The following CCDC30 variants were observed in gnomAD, a reference collection of about 807,000 sequenced individuals.
CCDC30 encodes coiled-coil domain containing 30.
In CCDC30, 70 loss-of-function variants were observed where a neutral mutation model predicts 100.2. The observed-to-expected ratio is 0.70, with a 90% CI of 0.58 to 0.85. CCDC30 has a LOEUF of 0.85. Among genes scored for constraint, CCDC30 ranks in the 40% least tolerant of loss-of-function variants. The pLI is 0.00. For synonymous variants in CCDC30, 233 were observed against 269.5 expected (o/e 0.86, Z 1.33); for missense variants, 652 against 771.2 (o/e 0.85, Z 1.83).
At chr1:42,640,673 C>T (rs1001752488) in intron 12 of CCDC30, among the ~76,000 whole-genome samples, 2 of 142,474 alleles carry the variant, frequency 1.4e-5, no homozygotes, top group Non-Finnish European at 3.2e-5. Flanking sequence ...GTGGGTGCAT[C>T]ATCTGAGGTC....
intron 11 of CCDC30, among the ~76,000 whole-genome samples, chr1:42,631,875 A>T (rs961052175): frequency 1.8e-4 from 27 of 152,210 alleles, no homozygotes; most frequent in African/African-American, 6.5e-4. Context: ...CCTCAGGATA[A>T]TGGGCTCCCT....
chr1:42,642,153 G>T (rs966883535), intron 12 of CCDC30, among the ~76,000 whole-genome samples: 1 of 152,214 alleles, frequency 6.6e-6, no homozygotes, highest in Admixed American at 6.5e-5. Context: ...ATGAACCTGG[G>T]AGGTGGAGCT....
At chr1:42,574,293 T>A (rs375282304) in intron 7 of CCDC30, among the ~76,000 whole-genome samples, 1 of 152,082 alleles carries the variant, frequency 6.6e-6, no homozygotes, top group Admixed American at 6.5e-5. Context: ...TTAATAGTTA[T>A]GAGAAGTCAA....
chr1:42,465,597 C>T (rs745822095), intron 1 of CCDC30, among the ~76,000 whole-genome samples: 35 of 152,026 alleles, frequency 2.3e-4, no homozygotes, highest in Non-Finnish European at 3.4e-4. Flanking sequence ...ACTCCTGACC[C>T]CAGGTGATCC....
At chr1:42,562,540 C>A (rs1645513233) in intron 6 of CCDC30, among the ~76,000 whole-genome samples, 1 of 152,038 alleles carries the variant, frequency 6.6e-6, no homozygotes, top group Non-Finnish European at 1.5e-5. Context: ...CAGGACATAG[C>A]CATGGGCAAA....
chr1:42,525,772 AG>A (rs1356998713), intron 6 of CCDC30, among the ~76,000 whole-genome samples: 1 of 152,196 alleles, frequency 6.6e-6, no homozygotes, highest in African/African-American at 2.4e-5. Flanking sequence ...GCAGATTTAT[AG>A]GAACTTTTAT....
At chr1:42,465,450 C>T (rs144285309) in intron 1 of CCDC30, among the ~76,000 whole-genome samples, 294 of 152,248 alleles carry the variant, frequency 1.9e-3, no homozygotes, top group African/African-American at 6.7e-3. Context: ...CTGCAACCTC[C>T]GCCTCCCGGG....
chr1:42,518,208 T>C (rs996233738), intron 6 of CCDC30, among the ~76,000 whole-genome samples: 1 of 152,298 alleles, frequency 6.6e-6, no homozygotes, highest in South Asian at 2.1e-4. Context: ...TTCCTAAGTA[T>C]TTCATTCTTT....
At chr1:42,608,052 TACCATGTCTGTAATTCAGCCCCAAAC>T (rs1409804939) in intron 10 of CCDC30, among the ~76,000 whole-genome samples, 1 of 151,370 alleles carries the variant, frequency 6.6e-6, no homozygotes, top group African/African-American at 2.4e-5. Context: ...TAAGGCTCAT[TACCATGTCTGTAATTCAGCCCCAAAC>T]ACCATGTCTG....
chr1:42,646,262 A>G, exon 15 of CCDC30: 3 of 1,550,978 alleles, frequency 1.9e-6, no homozygotes, highest in Non-Finnish European at 2.6e-6. Flanking sequence ...GAACTCCAGC[A>G]TGAGGATGAG....
At chr1:42,501,159 G>A (rs1486159301) in intron 6 of CCDC30, among the ~76,000 whole-genome samples, 3 of 152,040 alleles carry the variant, frequency 2.0e-5, no homozygotes, top group African/African-American at 7.2e-5. Context: ...TATAGTTTTA[G>A]TTGCTACATT....
intron 10 of CCDC30, among the ~76,000 whole-genome samples, chr1:42,598,946 CA>C (rs199558506): frequency 2.2e-4 from 33 of 151,038 alleles, no homozygotes; most frequent in Admixed American, 2.1e-3. Flanking sequence ...CTTTCTCAGA[CA>C]AAAAAAATTA....
the CCDC30 span, chr1:42,456,222 G>T: frequency 1.6e-6 from 1 of 608,942 alleles, no homozygotes. Context: ...TCAAATGGCC[G>T]AGAAACGACT....
At chr1:42,609,423 G>A (rs1646572892) in intron 10 of CCDC30, among the ~76,000 whole-genome samples, 1 of 152,108 alleles carries the variant, frequency 6.6e-6, no homozygotes, top group Non-Finnish European at 1.5e-5. Context: ...TAATTTGGTG[G>A]GGAGTCAAAA....
At chr1:42,626,391 A>G (rs1248130377) in intron 11 of CCDC30, among the ~76,000 whole-genome samples, 1 of 151,936 alleles carries the variant, frequency 6.6e-6, no homozygotes, top group Non-Finnish European at 1.5e-5. Flanking sequence ...AATACTCCTG[A>G]TGTTTTCTTA....
chr1:42,642,032 T>TG (rs1198040198), intron 12 of CCDC30, among the ~76,000 whole-genome samples: 1 of 152,080 alleles, frequency 6.6e-6, no homozygotes, highest in Non-Finnish European at 1.5e-5. Flanking sequence ...GAGACCATCC[T>TG]GGCTAACACG....
chr1:42,525,956 T>A (rs1371063918), intron 6 of CCDC30, among the ~76,000 whole-genome samples: 1 of 152,192 alleles, frequency 6.6e-6, no homozygotes, highest in African/African-American at 2.4e-5. Context: ...GCCCTACTCA[T>A]GTGTGGCTCA....
chr1:42,456,667 C>T, the CCDC30 span: 1 of 1,601,546 alleles, frequency 6.2e-7, no homozygotes, highest in Non-Finnish European at 8.5e-7. Context: ...GCGCGCAGGG[C>T]CGGCGGGTGG....
chr1:42,580,165 G>A (rs550166576), intron 8 of CCDC30, among the ~76,000 whole-genome samples: 50 of 152,262 alleles, frequency 3.3e-4, no homozygotes, highest in South Asian at 6.2e-4. Context: ...TTTTGTCTGT[G>A]GAATTAGTAC....
Sources: gnomAD v4.1 joint callset for allele counts (sites outside exome capture counted in the v4.1 genomes callset) on GRCh38, gnomAD v4.1.1 for gene constraint, MANE v1.5 for transcripts, NCBI Gene and HGNC (gene_info 2026-07-23, HGNC 2026-07-21) for gene names.